The following RAB7A variants were observed in gnomAD, a reference collection of about 807,000 sequenced individuals.
RAB7A encodes the protein ras-related protein Rab-7a.
RAB7A carries 2 observed loss-of-function variants against 24.5 expected under a neutral mutation model. The observed-to-expected ratio is 0.08, with a 90% CI of 0.03 to 0.26. The LOEUF is 0.26. Ranked by LOEUF, RAB7A falls within the 10% of genes least tolerant of loss-of-function variation. RAB7A has a pLI of 1.00. For synonymous variants in RAB7A, 100 were observed against 95.9 expected (o/e 1.04, Z -0.25); for missense variants, 118 against 255.7 (o/e 0.46, Z 3.67).
rs911623008 is a variant in RAB7A, at chr3:128,814,592, C to G, written c.*1170C>G. On this transcript the variant is annotated 3_prime_UTR_variant, in exon 6 of 6. Transcript: ENST00000265062. ...GCTTTTTCCTCTTTTCCCCACCCAT[C>G]TCCCCAATATTGCCCATTATTAATT... 1 of 152,654 alleles carries G rather than the reference C, an allele frequency of 6.6e-6. No homozygotes were observed. Among genetic ancestry groups the G allele is most frequent in the Non-Finnish European group, 1.5e-5 (1 of 68,042 alleles). The allele number at this position is 152,654 out of a possible 1,614,324, so 9.5% of individuals were successfully genotyped here.
At chr3:128,784,690 T>TCCCTTTTC (rs1488964036) in intron 1 of RAB7A, among the ~76,000 whole-genome samples, 1 of 152,174 alleles carries the variant, frequency 6.6e-6, no homozygotes, top group Non-Finnish European at 1.5e-5. Flanking sequence ...AACTGTTTGT[T>TCCCTTTTC]CCCTTTTCCC....
chr3:128,745,845 C>T (rs955414926), intron 1 of RAB7A, among the ~76,000 whole-genome samples: 7 of 152,220 alleles, frequency 4.6e-5, no homozygotes, highest in Non-Finnish European at 1.0e-4. Flanking sequence ...GAATCCCATG[C>T]AGAGACTTTG....
intron 1 of RAB7A, chr3:128,764,944 A>T: frequency 1.3e-6 from 2 of 1,595,962 alleles, no homozygotes; most frequent in Non-Finnish European, 1.7e-6. Flanking sequence ...CTCCAGGTTG[A>T]TCTGGCCGTT....
intron 1 of RAB7A, among the ~76,000 whole-genome samples, chr3:128,727,064 C>T (rs1295401381): frequency 1.3e-5 from 2 of 152,332 alleles, no homozygotes; most frequent in African/African-American, 4.8e-5. Context: ...TTTGGGGCCT[C>T]TTTCTGCATT....
intron 1 of RAB7A, among the ~76,000 whole-genome samples, chr3:128,726,776 A>C (rs1443711079): frequency 6.6e-6 from 1 of 152,188 alleles, no homozygotes; most frequent in African/African-American, 2.4e-5. Flanking sequence ...CATGGGTCAC[A>C]GGCGCTGGGG....
At chr3:128,745,984 G>T (rs905253732) in intron 1 of RAB7A, among the ~76,000 whole-genome samples, 1 of 152,204 alleles carries the variant, frequency 6.6e-6, no homozygotes, top group East Asian at 1.9e-4. Context: ...TGGCTGACCT[G>T]CCATGCTGTA....
At chr3:128,753,931 C>T (rs2070708732) in intron 1 of RAB7A, among the ~76,000 whole-genome samples, 1 of 152,034 alleles carries the variant, frequency 6.6e-6, no homozygotes, top group African/African-American at 2.4e-5. Context: ...AGCCACACCT[C>T]TTAATCCTGT....
At chr3:128,795,994 G>A (rs886311268) in intron 2 of RAB7A, among the ~76,000 whole-genome samples, 3 of 151,628 alleles carry the variant, frequency 2.0e-5, no homozygotes, top group Admixed American at 6.6e-5. Flanking sequence ...CTCGTGATCC[G>A]CCTGCCTCGG....
At chr3:128,740,544 A>G (rs2070542110) in intron 1 of RAB7A, among the ~76,000 whole-genome samples, 1 of 151,996 alleles carries the variant, frequency 6.6e-6, no homozygotes, top group African/African-American at 2.4e-5. Context: ...CAGTTTTCTT[A>G]ATCCTTGCCA....
At chr3:128,794,098 G>C (rs1189318201) in intron 1 of RAB7A, among the ~76,000 whole-genome samples, 1 of 152,164 alleles carries the variant, frequency 6.6e-6, no homozygotes, top group Non-Finnish European at 1.5e-5. Flanking sequence ...ACCACCTCTT[G>C]AGAAAGAGAA....
At chr3:128,784,799 A>G (rs914055269) in intron 1 of RAB7A, among the ~76,000 whole-genome samples, 24 of 152,206 alleles carry the variant, frequency 1.6e-4, no homozygotes, top group African/African-American at 3.6e-4. Context: ...TCTTGATCAC[A>G]GTAGTATTTT....
intron 5 of RAB7A, among the ~76,000 whole-genome samples, chr3:128,810,543 T>C (rs1030818941): frequency 6.6e-6 from 1 of 152,298 alleles, no homozygotes; most frequent in Non-Finnish European, 1.5e-5. Context: ...TTTTCTGGGC[T>C]ATCTTCTCAC....
chr3:128,775,608 A>C (rs1380428464), intron 1 of RAB7A, among the ~76,000 whole-genome samples: 1 of 152,216 alleles, frequency 6.6e-6, no homozygotes, highest in Non-Finnish European at 1.5e-5. Context: ...AGCATTAAAA[A>C]ATTCCAAGTG....
intron 5 of RAB7A, among the ~76,000 whole-genome samples, chr3:128,808,028 G>T (rs565450180): frequency 1.3e-4 from 20 of 152,226 alleles, no homozygotes; most frequent in South Asian, 2.1e-4. Flanking sequence ...TCCCAGCTCT[G>T]CTGCGTACCA....
intron 1 of RAB7A, chr3:128,764,492 G>C: frequency 1.3e-6 from 1 of 787,268 alleles, no homozygotes. Context: ...CTGTCTCCCA[G>C]GGTGTTCTTG....
chr3:128,785,612 CGTG>C (rs1933320591), intron 1 of RAB7A, among the ~76,000 whole-genome samples: 1 of 151,788 alleles, frequency 6.6e-6, no homozygotes, highest in Non-Finnish European at 1.5e-5. Flanking sequence ...TACAAAAAGG[CGTG>C]GTGGCTCGCA....
intron 1 of RAB7A, chr3:128,765,007 G>A (rs1206114874): frequency 3.8e-6 from 6 of 1,581,072 alleles, no homozygotes; most frequent in Non-Finnish European, 5.1e-6. Context: ...CGAGGTGGAC[G>A]CAGTTGTCAT....
intron 3 of RAB7A, among the ~76,000 whole-genome samples, chr3:128,801,399 T>TG (rs931779820): frequency 2.0e-5 from 3 of 152,282 alleles, no homozygotes; most frequent in African/African-American, 7.2e-5. Flanking sequence ...AATAAGAGGA[T>TG]GGGGGGAACC....
At chr3:128,747,587 A>G (rs1034932641) in intron 1 of RAB7A, among the ~76,000 whole-genome samples, 13 of 151,504 alleles carry the variant, frequency 8.6e-5, no homozygotes, top group African/African-American at 3.2e-4. Flanking sequence ...ACTCCATGAA[A>G]TAATGAAATG....
Sources: gnomAD v4.1 joint callset for allele counts (sites outside exome capture counted in the v4.1 genomes callset) on GRCh38, gnomAD v4.1.1 for gene constraint, MANE v1.5 for transcripts, NCBI Gene and HGNC (gene_info 2026-07-23, HGNC 2026-07-21) for gene names.